The following ARSG variants were observed in gnomAD, a reference collection of about 807,000 sequenced individuals.
The protein encoded by ARSG is ASG.
ARSG carries 37 observed loss-of-function variants against 50.5 expected under a neutral mutation model. The observed-to-expected ratio is 0.73, with a 90% confidence interval of 0.56 to 0.96. The LOEUF (loss-of-function observed/expected upper bound fraction) is 0.96, where lower values mean the gene tolerates loss of function less well. Among genes scored for constraint, ARSG ranks in the 50% least tolerant of loss-of-function variants. The pLI, the probability that ARSG is intolerant of heterozygous loss-of-function variation, is 0.00. For synonymous variants in ARSG, 225 were observed against 254.6 expected (o/e 0.88, Z 1.11); for missense variants, 629 against 675.3 (o/e 0.93, Z 0.76).
At chr17:68,384,476 G>A (rs1479117143) in intron 8 of ARSG, among the ~76,000 whole-genome samples, 1 of 152,122 alleles carries the variant, frequency 6.6e-6, no homozygotes, top group Non-Finnish European at 1.5e-5. Flanking sequence ...TACTGACACT[G>A]TCTCCATAAC....
intron 1 of ARSG, chr17:68,272,751 A>T (rs1029278479): frequency 6.8e-6 from 11 of 1,614,062 alleles, no homozygotes; most frequent in African/African-American, 1.3e-5. Context: ...GGAGAAAACT[A>T]AAGCAGTATC....
intron 9 of ARSG, among the ~76,000 whole-genome samples, chr17:68,390,246 C>A (rs2080930519): frequency 6.6e-6 from 1 of 152,102 alleles, no homozygotes; most frequent in East Asian, 1.9e-4. Flanking sequence ...GCAGGTCAGG[C>A]CTTTCTGCAT....
intron 1 of ARSG, among the ~76,000 whole-genome samples, chr17:68,279,457 C>T (rs1190550447): frequency 2.6e-5 from 4 of 152,100 alleles, no homozygotes; most frequent in African/African-American, 9.7e-5. Flanking sequence ...GTTTGTTAAG[C>T]AGGAGTAATT....
rs566679755 is a variant in ARSG at position 68,363,442 on chromosome 17, G to C, written c.705-5106G>C. Reference sequence around the variant, plus strand: ...TTGGATTGACCCTGCAGGCTGCAATGAGCCCTAGTACGTTTCTTTTGTTTC... The same window carrying C: ...TTGGATTGACCCTGCAGGCTGCAATCAGCCCTAGTACGTTTCTTTTGTTTC... On this transcript the variant is annotated intron_variant, in intron 6 of 11. Transcript: ENST00000621439. Among the ~76,000 whole-genome samples the C allele has an allele frequency of 3.3e-5, 5 of 150,404 alleles. No homozygotes were observed. In the South Asian group the frequency reaches 1.1e-3, roughly 32 times the overall value.
At chr17:68,291,740 C>T (rs2076001069) in intron 1 of ARSG, among the ~76,000 whole-genome samples, 172 bp downstream of exon 1, 2 of 151,598 alleles carry the variant, frequency 1.3e-5, no homozygotes, top group Admixed American at 6.6e-5. Context: ...GTTGGGGGTG[C>T]CTGCATCCTG....
In ARSG at chr17:68,307,441, C is replaced by G; in HGVS notation, c.-53C>G. Reference sequence around the variant, plus strand: ...GCAGAAAGGAAGCTCTCAGAAAAATCTCTAGTGGTGGCTGCCGTCGCTCCA... The same window carrying G: ...GCAGAAAGGAAGCTCTCAGAAAAATGTCTAGTGGTGGCTGCCGTCGCTCCA... On this transcript the variant is annotated 5_prime_UTR_variant, in exon 2 of 12. It adds an upstream start codon to the 5' untranslated region. Coordinates refer to ENST00000621439, the MANE Select transcript of ARSG (RefSeq NM_001267727.2). 1 of 1,433,382 alleles carries G rather than the reference C, an allele frequency of 7.0e-7. No homozygotes were observed. The highest frequency in any genetic ancestry group is 9.7e-7 in the Non-Finnish European group (1 of 1,027,772). 88.8% of individuals were successfully genotyped at this position (1,433,382 alleles called of 1,614,324 possible). A position where few individuals can be genotyped will look rare whatever the true frequency, so the allele number is the denominator to read the frequency against.
At chr17:68,368,824 C>T in intron 7 of ARSG, 80 bp downstream of exon 7, 4 of 1,451,726 alleles carry the variant, frequency 2.8e-6, no homozygotes, top group Non-Finnish European at 3.8e-6. Flanking sequence ...CAGAGTCTGG[C>T]CCCGTGATCC....
rs2080268772 is a variant in ARSG at position 68,378,561 on chromosome 17, CGAA to C, written c.983-6495_983-6493del. On this transcript the variant is annotated intron_variant, in intron 8 of 11. Transcript: ENST00000621439. The surrounding 1 kb of genome is among the most constrained non-coding windows in gnomAD (Gnocchi z 4.4). ...AGAGCAAAGCAGCCCTGCCTTCTCCCGAAGAAGAAGGGCACGAGTCAGACACCC... is the reference window on the plus strand; with the variant it reads ...AGAGCAAAGCAGCCCTGCCTTCTCCCGAAGAAGGGCACGAGTCAGACACCC... Among the ~76,000 whole-genome samples, 1 of 152,012 alleles carries C rather than the reference CGAA, an allele frequency of 6.6e-6. No homozygotes were observed. The highest frequency in any genetic ancestry group is 2.4e-5 in the African/African-American group (1 of 41,372).
intron 2 of ARSG, among the ~76,000 whole-genome samples, chr17:68,333,569 A>C (rs550038529): frequency 8.6e-5 from 13 of 151,872 alleles, no homozygotes; most frequent in South Asian, 6.2e-4. Flanking sequence ...TGGAGGTTGC[A>C]GTGAGCCGAG....
At chr17:68,450,634 T>C in the ARSG span, 10 of 1,463,442 alleles carry the variant, frequency 6.8e-6, no homozygotes, top group South Asian at 1.4e-4. Context: ...AATTGGAAGC[T>C]TGTTTTACAG....
intron 2 of ARSG, among the ~76,000 whole-genome samples, chr17:68,317,460 G>A (rs1056890953): frequency 1.3e-5 from 2 of 150,120 alleles, no homozygotes; most frequent in East Asian, 3.9e-4. Flanking sequence ...ATGATGAACT[G>A]TTTTGTTTTT....
chr17:68,358,732 T>G (rs9915988), intron 6 of ARSG, among the ~76,000 whole-genome samples: 74,912 of 151,718 alleles, frequency 0.49, 18,660 homozygotes, highest in Admixed American at 0.55. Context: ...TGAGCATAGT[T>G]GTGTGAATCT....
At chr17:68,281,150 A>G (rs1162599974) in intron 1 of ARSG, among the ~76,000 whole-genome samples, 1 of 151,910 alleles carries the variant, frequency 6.6e-6, no homozygotes, top group Admixed American at 6.6e-5. Flanking sequence ...AAGAATGAAA[A>G]GACAACCCAC....
At chr17:68,415,142 T>G (rs1461265246) in intron 11 of ARSG, among the ~76,000 whole-genome samples, 1 of 152,130 alleles carries the variant, frequency 6.6e-6, no homozygotes, top group African/African-American at 2.4e-5. Context: ...CTTTCAGTCT[T>G]TTTGATGTAG....
intron 1 of ARSG, chr17:68,272,841 T>C: frequency 6.3e-7 from 1 of 1,576,302 alleles, no homozygotes; most frequent in Admixed American, 1.9e-5. Flanking sequence ...TTAAAAGATC[T>C]GGGATTTTTG....
intron 6 of ARSG, 42 bp from the exon 7 acceptor site, chr17:68,368,506 G>T: frequency 6.3e-7 from 1 of 1,593,002 alleles, no homozygotes; most frequent in South Asian, 1.1e-5. Flanking sequence ...GATGAGCCAG[G>T]AGAGCCTTCT....
upstream of ARSG, among the ~76,000 whole-genome samples, chr17:68,287,387 C>T (rs1200069477): frequency 2.0e-5 from 3 of 151,640 alleles, no homozygotes; most frequent in Admixed American, 1.3e-4. Flanking sequence ...CTGGAACTCC[C>T]GGACTCAAGC....
intron 1 of ARSG, among the ~76,000 whole-genome samples, chr17:68,294,209 A>T (rs782676205): frequency 6.6e-6 from 1 of 152,102 alleles, no homozygotes; most frequent in Non-Finnish European, 1.5e-5. Context: ...CAAGACCATC[A>T]TGATGCCCTT....
chr17:68,328,193 C>G (rs1227419000), intron 2 of ARSG, among the ~76,000 whole-genome samples: 1 of 152,164 alleles, frequency 6.6e-6, no homozygotes, highest in African/African-American at 2.4e-5. Flanking sequence ...CTTATTGCCC[C>G]TCCACACACT....
Sources: gnomAD v4.1 joint callset for allele counts (sites outside exome capture counted in the v4.1 genomes callset) on GRCh38, gnomAD v4.1.1 for gene constraint, Gnocchi (gnomAD v3.1) non-coding constraint, MANE v1.5 for transcripts, NCBI Gene and HGNC (gene_info 2026-07-23, HGNC 2026-07-21) for gene names.